SOX6: variants seen among roughly 807,000 people sequenced by gnomAD.
SOX6 encodes the protein transcription factor SOX-6.
In SOX6, 11 loss-of-function variants were observed where a neutral mutation model predicts 97.8. The ratio of observed to expected loss-of-function variants is 0.11; its 90% CI spans 0.07 to 0.19. SOX6 has a LOEUF of 0.19. Among genes scored for constraint, SOX6 ranks in the 10% least tolerant of loss-of-function variants. The pLI is 1.00. For synonymous variants in SOX6, 360 were observed against 371.4 expected, an observed-to-expected ratio of 0.97 and a Z score of 0.35; for missense variants, 810 against 1,039.5, an observed-to-expected ratio of 0.78 and a Z score of 3.04.
intron 13 of SOX6, among the ~76,000 whole-genome samples, chr11:15,991,009 A>G (rs1854033220): frequency 6.6e-6 from 1 of 152,202 alleles, no homozygotes; most frequent in Non-Finnish European, 1.5e-5. Context: ...TTTACTGCAA[A>G]CAAAAGACAG....
In SOX6 at chr11:16,139,656, C is replaced by T. The variant is rs144332157; in HGVS notation, c.778-27733G>A. ...ATCTTGTATTTTCCCTTCCCCAGAC[C>T]AGATTCAGAAGCACAGTTTTTAGAA... On this transcript the variant is annotated intron_variant, in intron 6 of 15. Coordinates refer to ENST00000683767, the MANE Select transcript of SOX6 (RefSeq NM_001367873.1). Among the ~76,000 whole-genome samples the T allele has an allele frequency of 7.9e-5, 12 of 151,728 alleles. No individual in the cohort carries two copies. In the East Asian group the frequency reaches 2.3e-3, roughly 30 times the overall value.
At chr11:16,547,161 G>A (rs1399880773) in intron 4 of SOX6, among the ~76,000 whole-genome samples, 18 of 152,302 alleles carry the variant, frequency 1.2e-4, no homozygotes, top group African/African-American at 4.1e-4. Flanking sequence ...TACACTCTTA[G>A]TGGGAATGTA....
intron 1 of SOX6, among the ~76,000 whole-genome samples, chr11:16,427,388 G>A (rs1859166429): frequency 6.7e-6 from 1 of 149,478 alleles, no homozygotes; most frequent in African/African-American, 2.5e-5. Flanking sequence ...GTGCAGGTTT[G>A]TTACATATGT....
chr11:16,237,023 C>T (rs781180217), intron 3 of SOX6, among the ~76,000 whole-genome samples: 77 of 152,124 alleles, frequency 5.1e-4, no homozygotes, highest in Non-Finnish European at 9.0e-4. Context: ...TGCATATCTA[C>T]ATTTTCAGCC....
chr11:16,109,845 A>C (rs1037099907), intron 7 of SOX6, among the ~76,000 whole-genome samples: 4 of 152,280 alleles, frequency 2.6e-5, no homozygotes, highest in African/African-American at 9.6e-5. Flanking sequence ...CTTGTAATTA[A>C]AACTCTTCCT....
chr11:16,302,480 C>T lies in SOX6; in HGVS notation c.445+15966G>A, dbSNP rs576027698. Among the ~76,000 whole-genome samples the T allele has an allele frequency of 9.3e-5, 14 of 150,886 alleles. No homozygotes were observed. In the East Asian group the frequency reaches 2.5e-3, roughly 27 times the overall value. The stretch of plus-strand genomic sequence containing the variant: ...ATGATGAGCTTATCAAAATCTAGCT[C>T]GAATGTCAATAAATCCCTATTTAGA... On this transcript the variant is annotated intron_variant, in intron 3 of 15. Transcript: ENST00000683767.
chr11:16,537,269 T>C (rs185071212), intron 4 of SOX6, among the ~76,000 whole-genome samples: 49 of 152,192 alleles, frequency 3.2e-4, no homozygotes, highest in Admixed American at 1.2e-3. Flanking sequence ...CAGAAAGGAA[T>C]AGCATCAACA....
intron 12 of SOX6, among the ~76,000 whole-genome samples, chr11:16,035,525 G>T (rs187992817): frequency 3.9e-5 from 6 of 152,220 alleles, no homozygotes; most frequent in Admixed American, 6.5e-5. Flanking sequence ...CTTAGGAAAA[G>T]AAAAAGTTAA....
At chr11:16,090,914 G>T (rs999468551) in intron 9 of SOX6, among the ~76,000 whole-genome samples, 3 of 152,036 alleles carry the variant, frequency 2.0e-5, no homozygotes, top group African/African-American at 7.2e-5. Context: ...GGGAACATTT[G>T]TGGAAATCTA....
intron 4 of SOX6, among the ~76,000 whole-genome samples, chr11:16,489,166 T>A (rs1860476655): frequency 6.6e-6 from 1 of 152,162 alleles, no homozygotes; most frequent in Admixed American, 6.5e-5. Flanking sequence ...ATTTTTCACA[T>A]TTTTCTAAAT....
At chr11:16,386,894 C>T (rs962727790) in intron 1 of SOX6, among the ~76,000 whole-genome samples, 4 of 152,094 alleles carry the variant, frequency 2.6e-5, no homozygotes, top group Admixed American at 2.0e-4. Context: ...GTATTCCTGG[C>T]CCATATATAC....
At chr11:16,327,061 G>C (rs1856118482) in intron 2 of SOX6, among the ~76,000 whole-genome samples, 1 of 152,128 alleles carries the variant, frequency 6.6e-6, no homozygotes, top group African/African-American at 2.4e-5. Flanking sequence ...ATGTCCCAGA[G>C]ACAGCCAGAT....
chr11:16,351,125 T>C (rs1314186341), intron 1 of SOX6, among the ~76,000 whole-genome samples: 4 of 152,154 alleles, frequency 2.6e-5, no homozygotes, highest in Non-Finnish European at 5.9e-5. Flanking sequence ...CTGTTAAGTA[T>C]TTATACCAAG....
rs117672154 is a variant in SOX6, at chr11:16,706,885, C to T, written n.429+7945G>A. Among the ~76,000 whole-genome samples, 1,164 of 152,090 alleles carry T rather than the reference C, an allele frequency of 7.7e-3. 10 individuals are homozygous for T. Among genetic ancestry groups the T allele is most frequent in the Admixed American group, 0.015 (232 of 15,276 alleles). On this transcript the variant is annotated intron_variant and non_coding_transcript_variant, in intron 3 of 5. Transcript: ENST00000524520. ...AAATTCTCCTATCTGCACATTGACT[C>T]TTTGTCATGTTCACTATCATTTCTT...
At chr11:16,035,995 T>A (rs1296818024) in intron 12 of SOX6, among the ~76,000 whole-genome samples, 3 of 151,868 alleles carry the variant, frequency 2.0e-5, no homozygotes, top group Admixed American at 6.6e-5. Context: ...ATTTGGGCAA[T>A]CACTTCACTT....
chr11:16,291,719 T>C (rs1285738221), intron 3 of SOX6, among the ~76,000 whole-genome samples: 1 of 152,142 alleles, frequency 6.6e-6, no homozygotes, highest in African/African-American at 2.4e-5. Flanking sequence ...GGCATGTGCG[T>C]ACACATTTTA....
intron 4 of SOX6, among the ~76,000 whole-genome samples, chr11:16,556,603 T>A (rs1847751456): frequency 6.6e-6 from 1 of 151,818 alleles, no homozygotes; most frequent in Non-Finnish European, 1.5e-5. Context: ...CTATGTTCAT[T>A]AAAATGTTTA....
intron 3 of SOX6, among the ~76,000 whole-genome samples, chr11:16,628,509 G>A (rs936196833): frequency 2.6e-5 from 4 of 151,492 alleles, no homozygotes; most frequent in Non-Finnish European, 5.9e-5. Flanking sequence ...ACCAGTAGTC[G>A]CAGCTACTTG....
chr11:16,552,210 G>A (rs4757411), intron 4 of SOX6, among the ~76,000 whole-genome samples: 152,014 of 152,258 alleles, frequency 1, 75,886 homozygotes, highest in Non-Finnish European at 1. Context: ...TAAAACACAG[G>A]AGTTAAGTGT....
Sources: gnomAD v4.1 joint callset for allele counts (sites outside exome capture counted in the v4.1 genomes callset) on GRCh38, gnomAD v4.1.1 for gene constraint, MANE v1.5 for transcripts, NCBI Gene and HGNC (gene_info 2026-07-23, HGNC 2026-07-21) for gene names.